Variants in KIF26B observed in about 807,000 individuals in gnomAD.
KIF26B encodes kinesin-like protein KIF26B.
In KIF26B, 63 loss-of-function variants were observed where a neutral mutation model predicts 151.2. That is an observed-to-expected ratio of 0.42 (90% CI 0.34 to 0.51). The LOEUF is 0.51. Ranked by LOEUF, KIF26B falls within the 20% of genes least tolerant of loss-of-function variation. KIF26B has a pLI of 0.07. For synonymous variants in KIF26B, 1,357 were observed against 1,262.1 expected (o/e 1.08, Z -1.59); for missense variants, 2,813 against 2,913.6 (o/e 0.97, Z 0.79).
chr1:245,258,247 G>A (rs1670576215), intron 2 of KIF26B, among the ~76,000 whole-genome samples: 1 of 152,198 alleles, frequency 6.6e-6, no homozygotes, highest in African/African-American at 2.4e-5. Flanking sequence ...AGAGGTGTAA[G>A]ACAGAGCCCC....
chr1:245,433,046 A>C lies in KIF26B; in HGVS notation c.1166+13301A>C, dbSNP rs549116691. Among the ~76,000 whole-genome samples, 5 of 152,202 alleles carry C rather than the reference A, an allele frequency of 3.3e-5. No homozygotes were observed. In the South Asian group the frequency reaches 8.3e-4, roughly 25 times the overall value. The stretch of plus-strand genomic sequence containing the variant: ...CTTCTTTTATTTTTATCTGAGTCTA[A>C]CTCCCTCCACCATACTTAGCATCAT... On this transcript the variant is annotated intron_variant, in intron 4 of 14. Coordinates refer to ENST00000407071, the MANE Select transcript of KIF26B (RefSeq NM_018012.4).
Position 245,156,326 on chromosome 1 carries a change from CCCGGAAAGCTGGTA to C in KIF26B, c.118_131del (p.Trp40IlefsTer13). On this transcript the variant is annotated frameshift_variant, in exon 2 of 15. Transcript: ENST00000407071. LOFTEE classifies it high-confidence loss of function. ...CCACCAAGCCCGCAGCGCCCTTCTC[CCCGGAAAGCTGGTA>C]CCGGAAAGCATACGAGGAGTCGCGC... 2 of 1,547,588 alleles carry C rather than the reference CCCGGAAAGCTGGTA, an allele frequency of 1.3e-6. No individual in the cohort carries two copies. The highest frequency in any genetic ancestry group is 1.7e-6 in the Non-Finnish European group (2 of 1,145,938).
intron 10 of KIF26B, among the ~76,000 whole-genome samples, chr1:245,652,590 A>G (rs2044031668): frequency 6.6e-6 from 1 of 152,304 alleles, no homozygotes; most frequent in East Asian, 1.9e-4. Flanking sequence ...CTGCCACTAC[A>G]TTAATTCTGC....
Position 245,326,845 on chromosome 1 carries a change from T to C in KIF26B, c.466-39989T>C, listed in dbSNP as rs191975279. Among the ~76,000 whole-genome samples, 147 of 152,358 alleles carry C rather than the reference T, an allele frequency of 9.6e-4. 1 individual carries two copies. Among genetic ancestry groups the C allele is most frequent in the African/African-American group, 3.2e-3 (135 of 41,584 alleles). On this transcript the variant is annotated intron_variant, in intron 2 of 14. Transcript: ENST00000407071. ...GAACCGGGAGGTGATGTCCAAGTCATCTGGCCAGTCCAGTTTCTCCTTTTG... is the reference window on the plus strand; with the variant it reads ...GAACCGGGAGGTGATGTCCAAGTCACCTGGCCAGTCCAGTTTCTCCTTTTG...
intron 4 of KIF26B, among the ~76,000 whole-genome samples, chr1:245,437,514 T>C (rs1185335442): frequency 6.6e-6 from 1 of 152,234 alleles, no homozygotes; most frequent in African/African-American, 2.4e-5. Flanking sequence ...AGTGGATTTA[T>C]TACTTTGCAT....
intron 9 of KIF26B, among the ~76,000 whole-genome samples, chr1:245,644,364 T>C (rs2043924047): frequency 6.6e-6 from 1 of 152,196 alleles, no homozygotes; most frequent in South Asian, 2.1e-4. Context: ...ATATTCCATG[T>C]TTCTACTTAA....
intron 2 of KIF26B, among the ~76,000 whole-genome samples, chr1:245,251,794 AT>A (rs1240996833): frequency 2.0e-5 from 3 of 152,212 alleles, no homozygotes; most frequent in Non-Finnish European, 4.4e-5. Flanking sequence ...AAATCTTAAT[AT>A]TTAATAGCAT....
chr1:245,280,775 C>T (rs1435844542), intron 2 of KIF26B, among the ~76,000 whole-genome samples: 2 of 115,780 alleles, frequency 1.7e-5, no homozygotes, highest in African/African-American at 3.5e-5. Flanking sequence ...CCACAACAGT[C>T]CCCAGAGTGT....
Position 245,365,461 on chromosome 1 carries a change from T to A in KIF26B, c.466-1373T>A, listed in dbSNP as rs566998011. Among the ~76,000 whole-genome samples the A allele has an allele frequency of 2.0e-5, 3 of 151,794 alleles. No individual in the cohort carries two copies. The South Asian group carries it at 6.2e-4, about 32-fold the overall frequency. On this transcript the variant is annotated intron_variant, in intron 2 of 14. Coordinates refer to ENST00000407071, the MANE Select transcript of KIF26B (RefSeq NM_018012.4). ...GCCTGCAATCAAGATGGATCCTAAT[T>A]AAGAACCACCCCCCAAATGCTGATC... is the stretch of plus-strand genomic sequence containing the variant.
chr1:245,220,691 C>T (rs1203508968), intron 2 of KIF26B, among the ~76,000 whole-genome samples: 3 of 152,146 alleles, frequency 2.0e-5, no homozygotes, highest in African/African-American at 7.2e-5. Flanking sequence ...TGCTGTTTTG[C>T]AGCTGGTTTT....
rs557153003 is a variant in KIF26B, at chr1:245,189,586, C to T, written c.465+32903C>T. 1.5e-4 allele frequency among the ~76,000 whole-genome samples: 23 copies of T among 152,242 alleles called. No individual in the cohort carries two copies. In the East Asian group the frequency reaches 3.3e-3, roughly 22 times the overall value. Reference sequence around the variant, plus strand: ...GTGGAGTGTTCTTGTTCTAGATGTCCGCTGAGAGTTTTCTTTCTCAAGGGG... The same window carrying T: ...GTGGAGTGTTCTTGTTCTAGATGTCTGCTGAGAGTTTTCTTTCTCAAGGGG... On this transcript the variant is annotated intron_variant, in intron 2 of 14. Coordinates refer to ENST00000407071, the MANE Select transcript of KIF26B (RefSeq NM_018012.4).
chr1:245,660,902 A>G (rs1237233818), intron 10 of KIF26B, among the ~76,000 whole-genome samples: 1 of 151,222 alleles, frequency 6.6e-6, no homozygotes, highest in East Asian at 2.0e-4. Flanking sequence ...TGCAGCCTTG[A>G]CCTGCTGGGC....
intron 4 of KIF26B, among the ~76,000 whole-genome samples, chr1:245,507,508 G>A (rs1191358331): frequency 6.6e-6 from 1 of 152,196 alleles, no homozygotes; most frequent in African/African-American, 2.4e-5. Context: ...AACCACCTTG[G>A]GAAGGGCAGG....
chr1:245,629,269 A>C (rs192650101), intron 9 of KIF26B, among the ~76,000 whole-genome samples: 81 of 152,322 alleles, frequency 5.3e-4, no homozygotes, highest in African/African-American at 1.9e-3. Context: ...TGAAACCAAA[A>C]AAGAGCCCAT....
intron 4 of KIF26B, among the ~76,000 whole-genome samples, chr1:245,471,703 AATTC>A (rs1413901711): frequency 4.6e-5 from 7 of 152,040 alleles, no homozygotes; most frequent in Non-Finnish European, 1.0e-4. Context: ...CATATTAATC[AATTC>A]ATTCATTGAG....
At chr1:245,235,062 C>T (rs1670079723) in intron 2 of KIF26B, among the ~76,000 whole-genome samples, 1 of 152,182 alleles carries the variant, frequency 6.6e-6, no homozygotes, top group Admixed American at 6.5e-5. Flanking sequence ...TCGGCCTCCT[C>T]CTCTGTCCCT....
At chr1:245,544,945 A>C (rs1661705538) in intron 5 of KIF26B, among the ~76,000 whole-genome samples, 1 of 152,092 alleles carries the variant, frequency 6.6e-6, no homozygotes, top group Non-Finnish European at 1.5e-5. Flanking sequence ...GCCACTGAGC[A>C]CCTCTTGAGG....
rs374299733 is a variant in KIF26B at position 245,208,099 on chromosome 1, G to A, written c.465+51416G>A. Reference sequence around the variant, plus strand: ...TGTTAATCGAGGGCTCCTCAAATCCGAATCTGAGCTTCCTCTTCTATTCTC... The same window carrying A: ...TGTTAATCGAGGGCTCCTCAAATCCAAATCTGAGCTTCCTCTTCTATTCTC... On this transcript the variant is annotated intron_variant, in intron 2 of 14. Transcript: ENST00000407071. Among the ~76,000 whole-genome samples the A allele has an allele frequency of 7.2e-5, 11 of 152,260 alleles. No individual in the cohort carries two copies. In the South Asian group the frequency reaches 1.2e-3, roughly 17 times the overall value.
intron 10 of KIF26B, among the ~76,000 whole-genome samples, chr1:245,665,557 T>G (rs952589255): frequency 6.6e-6 from 1 of 152,242 alleles, no homozygotes; most frequent in Non-Finnish European, 1.5e-5. Flanking sequence ...TACTCTCAGT[T>G]TATGTAAATT....
Sources: gnomAD v4.1 joint callset for allele counts (sites outside exome capture counted in the v4.1 genomes callset) on GRCh38, gnomAD v4.1.1 for gene constraint, MANE v1.5 for transcripts, NCBI Gene and HGNC (gene_info 2026-07-23, HGNC 2026-07-21) for gene names.